The following SARNP variants were observed in gnomAD, a reference collection of about 807,000 sequenced individuals.
SARNP encodes SAP domain containing ribonucleoprotein.
A neutral mutation model predicts 38.1 loss-of-function variants in SARNP; 5 were observed. The ratio of observed to expected loss-of-function variants is 0.13; its 90% CI spans 0.07 to 0.28. The LOEUF is 0.28. Ranked by LOEUF, SARNP falls within the 10% of genes least tolerant of loss-of-function variation. SARNP has a pLI of 1.00. For synonymous variants in SARNP, 84 were observed against 80.6 expected (o/e 1.04, Z -0.23); for missense variants, 180 against 243.9 (o/e 0.74, Z 1.75).
intron 1 of SARNP, among the ~76,000 whole-genome samples, chr12:55,807,701 C>T (rs1484113405): frequency 2.6e-5 from 4 of 151,374 alleles, no homozygotes; most frequent in South Asian, 2.1e-4. Context: ...GTAGTCCCAG[C>T]TCCTCAGGAG....
chr12:55,774,558 T>TAAAAAAAAAAAAAAAAAAAAAAAA lies in SARNP; in HGVS notation c.502-13919_502-13918insTTTTTTTTTTTTTTTTTTTTTTTT, dbSNP rs1565673497. Among the ~76,000 whole-genome samples the TAAAAAAAAAAAAAAAAAAAAAAAA allele has an allele frequency of 4.7e-4, 19 of 40,524 alleles. 2 individuals carry two copies. Among genetic ancestry groups the TAAAAAAAAAAAAAAAAAAAAAAAA allele is most frequent in the African/African-American group, 6.2e-4 (14 of 22,452 alleles). The allele number at this position is 40,524 out of a possible 152,430, so 26.6% of individuals were successfully genotyped here. A position where few individuals can be genotyped will look rare whatever the true frequency, so the allele number is the denominator to read the frequency against. Reference sequence around the variant, plus strand: ...CGACACGGTGAAACCCCGTCTCTACTGAAAAAAAAAAAAAAACAAACAAAA... The same window carrying TAAAAAAAAAAAAAAAAAAAAAAAA: ...CGACACGGTGAAACCCCGTCTCTACTAAAAAAAAAAAAAAAAAAAAAAAAGAAAAAAAAAAAAAAACAAACAAAA... On this transcript the variant is annotated intron_variant, in intron 9 of 10. Coordinates refer to ENST00000336133, the MANE Select transcript of SARNP (RefSeq NM_033082.4).
At chr12:55,784,520 T>G (rs1879432263) in intron 9 of SARNP, among the ~76,000 whole-genome samples, 1 of 152,226 alleles carries the variant, frequency 6.6e-6, no homozygotes, top group Non-Finnish European at 1.5e-5. Context: ...TCTTACTCCT[T>G]TTCCTCCAAC....
chr12:55,805,067 T>TC (rs1226088593), intron 1 of SARNP, among the ~76,000 whole-genome samples: 7 of 150,568 alleles, frequency 4.6e-5, no homozygotes, highest in Non-Finnish European at 8.9e-5. Context: ...ATCGAGACCA[T>TC]CCTGGCTAAC....
At chr12:55,802,921 T>C (rs1476154547) in intron 2 of SARNP, among the ~76,000 whole-genome samples, 1 of 146,420 alleles carries the variant, frequency 6.8e-6, no homozygotes, top group East Asian at 2.0e-4. Context: ...CATGGACGCA[T>C]CTTTAAAAAA....
chr12:55,760,608 C>T lies in SARNP; in HGVS notation c.534G>A (p.Lys178=), dbSNP rs759701870. Residue 178 remains lysine (K), a synonymous_variant, in exon 10 of 11, where the codon AAG becomes AAA. Transcript: ENST00000336133. The stretch of plus-strand genomic sequence containing the variant: ...AACTTGTGACAATCCCAAATCGCTC[C>T]TTCCTCTTTTTCAGTTTCTCATCAT... ...SEDDEKLKKR[K]ERFGIVTSSA... 4 of 1,613,264 alleles carry T rather than the reference C, an allele frequency of 2.5e-6. No individual in the cohort carries two copies. In the African/African-American group the frequency reaches 4.0e-5, roughly 16 times the overall value.
At chr12:55,753,418 C>T (rs1177019512), downstream of SARNP, 1 of 152,100 alleles carries the variant, frequency 6.6e-6, no homozygotes, top group Non-Finnish European at 1.5e-5. Context: ...AGCACAATTC[C>T]CCAGGAATAT....
At chr12:55,767,673 C>T (rs184524552) in intron 9 of SARNP, among the ~76,000 whole-genome samples, 9 of 151,724 alleles carry the variant, frequency 5.9e-5, no homozygotes, top group African/African-American at 2.2e-4. Flanking sequence ...CGGTGAAACC[C>T]CGTCTCTACT....
In SARNP at chr12:55,778,359, C is replaced by T. The variant is rs936844754; in HGVS notation, c.501+10716G>A. 2.0e-5 allele frequency among the ~76,000 whole-genome samples: 3 copies of T among 152,130 alleles called. No individual in the cohort carries two copies. In the East Asian group the frequency reaches 5.8e-4, roughly 30 times the overall value. ...ATGGGGTTTCACCATGTTGGCCAGG[C>T]TGGTCTCAAACTCCTGACCTGAGGT... On this transcript the variant is annotated intron_variant, in intron 9 of 10. Coordinates refer to ENST00000336133, the MANE Select transcript of SARNP (RefSeq NM_033082.4).
intron 4 of SARNP, 54 bp downstream of exon 4, chr12:55,800,508 A>G: frequency 8.3e-7 from 1 of 1,202,194 alleles, no homozygotes; most frequent in Admixed American, 2.2e-5. Context: ...CATTAAATAC[A>G]TTAAGAAAAG....
chr12:55,808,915 T>C (rs1264687070), intron 1 of SARNP, among the ~76,000 whole-genome samples: 1 of 152,228 alleles, frequency 6.6e-6, no homozygotes, highest in Non-Finnish European at 1.5e-5. Flanking sequence ...TTATCCCATT[T>C]TTCTAAATTG....
chr12:55,788,251 T>G (rs181141541), intron 9 of SARNP, among the ~76,000 whole-genome samples: 14 of 152,194 alleles, frequency 9.2e-5, no homozygotes, highest in African/African-American at 3.1e-4. Context: ...TCACCCCACA[T>G]AGCATGAAGT....
At position 55,803,602 on chromosome 12, in the gene SARNP, A is replaced by G. The variant is rs763669775; in HGVS notation, c.136+27T>C. 4.3e-5 allele frequency: 61 copies of G among 1,429,662 alleles called. No homozygotes were observed. The Middle Eastern group carries it at 1.6e-3, about 38-fold the overall frequency. The allele number at this position is 1,429,662 out of a possible 1,614,324, so 88.6% of individuals were successfully genotyped here. A position where few individuals can be genotyped will look rare whatever the true frequency, so the allele number is the denominator to read the frequency against. On this transcript the variant is annotated intron_variant, in intron 2 of 10. Coordinates refer to ENST00000336133, the MANE Select transcript of SARNP (RefSeq NM_033082.4). ...AAAGCCTGAAAATCCCCTCACTCACATCACTCCGCCTCCACAAAGTACTCA... is the reference window on the plus strand; with the variant it reads ...AAAGCCTGAAAATCCCCTCACTCACGTCACTCCGCCTCCACAAAGTACTCA...
At chr12:55,763,650 G>A (rs1878742806) in intron 9 of SARNP, among the ~76,000 whole-genome samples, 3 of 152,104 alleles carry the variant, frequency 2.0e-5, no homozygotes, top group South Asian at 2.1e-4. Flanking sequence ...GGGGGATCTC[G>A]CTATGTTTCC....
Position 55,796,021 on chromosome 12 carries a change from C to T in SARNP, c.303+4G>A. The T allele has an allele frequency of 1.9e-6, 3 of 1,590,854 alleles. No individual in the cohort carries two copies. The highest frequency in any genetic ancestry group is 2.7e-5 in the African/African-American group (2 of 74,600). On this transcript the variant is annotated splice_donor_region_variant and intron_variant, in intron 5 of 10. Coordinates refer to ENST00000336133, the MANE Select transcript of SARNP (RefSeq NM_033082.4). ...ACTGTTCTACTAGGGAGCAGAATACCTACCTCAGTCTGTGGTATTTCAGAT... is the reference window on the plus strand; with the variant it reads ...ACTGTTCTACTAGGGAGCAGAATACTTACCTCAGTCTGTGGTATTTCAGAT...
intron 1 of SARNP, among the ~76,000 whole-genome samples, chr12:55,805,529 T>C (rs1880112152): frequency 6.6e-6 from 1 of 151,784 alleles, no homozygotes; most frequent in African/African-American, 2.4e-5. Context: ...CTAGCTAACA[T>C]GGTGAAACCC....
At chr12:55,805,034 C>A (rs1242682877) in intron 1 of SARNP, among the ~76,000 whole-genome samples, 2 of 152,032 alleles carry the variant, frequency 1.3e-5, no homozygotes, top group African/African-American at 2.4e-5. Flanking sequence ...GAGGCCGAGG[C>A]GAGTGGATCA....
chr12:55,799,582 A>ACAGC (rs1391793049), intron 4 of SARNP, among the ~76,000 whole-genome samples: 7 of 18,114 alleles, frequency 3.9e-4, no homozygotes, highest in Non-Finnish European at 5.8e-4. Context: ...TTTTCCCGAG[A>ACAGC]CAGCTGTGGC....
intron 7 of SARNP, 128 bp from the exon 8 acceptor site, chr12:55,790,720 T>C (rs1237372771): frequency 2.2e-6 from 2 of 930,120 alleles, no homozygotes; most frequent in Non-Finnish European, 3.0e-6. Flanking sequence ...AGAAATTGCA[T>C]GTAGCGATCA....
chr12:55,807,907 G>T (rs1880204609), intron 1 of SARNP, among the ~76,000 whole-genome samples: 6 of 151,260 alleles, frequency 4.0e-5, no homozygotes, highest in Admixed American at 4.0e-4. Context: ...CAAGTCTTTT[G>T]ATCTTAATTA....
Sources: gnomAD v4.1 joint callset for allele counts (sites outside exome capture counted in the v4.1 genomes callset) on GRCh38, gnomAD v4.1.1 for gene constraint, MANE v1.5 for transcripts, NCBI Gene and HGNC (gene_info 2026-07-23, HGNC 2026-07-21) for gene names.